WASHC2A: variants seen among roughly 807,000 people sequenced by gnomAD.
The protein encoded by WASHC2A is WASH complex subunit 2A.
Under a neutral mutation model 140.3 loss-of-function variants are expected in WASHC2A, and 82 were observed. The observed-to-expected ratio is 0.58, with a 90% CI of 0.49 to 0.70. The LOEUF is 0.70. Among genes scored for constraint, WASHC2A ranks in the 30% least tolerant of loss-of-function variants. The probability of loss-of-function intolerance (pLI) is 0.00; values close to 1 mark genes in which losing one functional copy is unlikely to be tolerated. For missense variants in WASHC2A, 985 were observed against 1,521.8 expected (o/e 0.65, Z 5.87); for synonymous variants, 340 against 560.8 (o/e 0.61, Z 5.56).
chr10:50,106,335 A>T lies in WASHC2A; in HGVS notation c.1739A>T (p.Asp580Val), dbSNP rs544996523. The T allele has an allele frequency of 6.8e-6, 11 of 1,611,610 alleles. No homozygotes were observed. Among genetic ancestry groups the T allele is most frequent in the African/African-American group, 1.3e-5 (1 of 74,750 alleles). ...VSLFDDEDEE[D>V]NLFGGTAAKK... ...CCTTTCTGCCATTTGCTTTTCTAGG[A>T]TAATCTTTTTGGGGGTACAGCTGCT... Residue 580 changes from aspartate to valine, a missense_variant and splice_region_variant, in exon 19 of 31, where the codon GAT becomes GTT. Coordinates refer to ENST00000282633, the MANE Select transcript of WASHC2A (RefSeq NM_001005751.3).
chr10:50,081,657 G>A (rs1838890779), intron 5 of WASHC2A, among the ~76,000 whole-genome samples: 1 of 148,954 alleles, frequency 6.7e-6, no homozygotes, highest in Non-Finnish European at 1.5e-5. Flanking sequence ...TTTTTGAGAC[G>A]GAGTTTCACT....
Position 50,092,612 on chromosome 10 carries a change from G to A in WASHC2A, c.1003+379G>A, listed in dbSNP as rs1242731894. Among the ~76,000 whole-genome samples, 22 of 152,106 alleles carry A rather than the reference G, an allele frequency of 1.4e-4. No homozygotes were observed. The East Asian group carries it at 1.6e-3, about 11-fold the overall frequency. On this transcript the variant is annotated intron_variant, in intron 11 of 30. Transcript: ENST00000282633. ...GCAGAGATTGCAGTGAGCCTTGATC[G>A]CGCCACTGCATTCCAGCCCAGGTGA...
chr10:50,094,820 T>A (rs1233422740), intron 13 of WASHC2A, among the ~76,000 whole-genome samples: 15 of 151,220 alleles, frequency 9.9e-5, no homozygotes, highest in African/African-American at 2.9e-4. Context: ...GTGGAACTGT[T>A]TGGGGGAGCC....
intron 28 of WASHC2A, among the ~76,000 whole-genome samples, 172 bp downstream of exon 28, chr10:50,127,967 G>A (rs1002733233): frequency 1.6e-4 from 25 of 151,696 alleles, no homozygotes; most frequent in African/African-American, 5.3e-4. Context: ...CCCTCATCCT[G>A]CACCTGCTTT....
chr10:50,092,314 T>G (rs1423022146), intron 11 of WASHC2A, 81 bp downstream of exon 11: 2 of 957,500 alleles, frequency 2.1e-6, no homozygotes, highest in Non-Finnish European at 1.6e-6. Flanking sequence ...GAAGTACTGC[T>G]TTACATGCTG....
intron 20 of WASHC2A, among the ~76,000 whole-genome samples, chr10:50,110,738 T>C (rs1404477907): frequency 1.3e-5 from 2 of 151,046 alleles, no homozygotes; most frequent in African/African-American, 4.9e-5. Context: ...TAAAAAAATA[T>C]AAAAATTAGC....
chr10:50,094,914 G>T (rs1840318683), intron 13 of WASHC2A, among the ~76,000 whole-genome samples: 1 of 151,370 alleles, frequency 6.6e-6, no homozygotes. Flanking sequence ...CTTGATGACG[G>T]TCAGCATGCT....
intron 11 of WASHC2A, 37 bp downstream of exon 11, chr10:50,092,270 C>T: frequency 1.6e-6 from 2 of 1,270,194 alleles, no homozygotes; most frequent in Non-Finnish European, 2.2e-6. Context: ...TTTTAGGAGC[C>T]TGTTGACTAA....
At chr10:50,068,326 C>G (rs1468440190) in intron 2 of WASHC2A, 99 bp downstream of exon 2, 4 of 1,261,776 alleles carry the variant, frequency 3.2e-6, no homozygotes, top group Admixed American at 2.8e-5. Context: ...TGGCCCGTCC[C>G]GTTGCCTGCC....
chr10:50,125,147 G>T lies in WASHC2A; in HGVS notation c.2513G>T (p.Gly838Val). Residue 838 changes from glycine (G) to valine (V), a missense_variant, in exon 24 of 31, where the codon GGT becomes GTT. Gly to Val is a moderately radical substitution (Grantham distance 109, BLOSUM62 -3). Transcript: ENST00000282633. The part of the protein sequence containing the change: ...RDPDAHPKST[G>V]VFQDEELLFS... Reference sequence around the variant, plus strand: ...CCTGATGCCCACCCCAAGAGCACAGGTGTCTTCCAGGATGAAGAGCTGCTT... The same window carrying T: ...CCTGATGCCCACCCCAAGAGCACAGTTGTCTTCCAGGATGAAGAGCTGCTT... 1 of 1,611,600 alleles carries T rather than the reference G, an allele frequency of 6.2e-7. No homozygotes were observed.
chr10:50,084,189 T>G (rs1301576948), intron 6 of WASHC2A, 24 bp downstream of exon 6: 22 of 1,610,716 alleles, frequency 1.4e-5, no homozygotes, highest in Non-Finnish European at 1.8e-5. Flanking sequence ...CCAAATAATT[T>G]TGTTCCTTAA....
intron 30 of WASHC2A, among the ~76,000 whole-genome samples, chr10:50,132,346 C>T (rs1042429841): frequency 3.9e-5 from 6 of 152,330 alleles, no homozygotes; most frequent in East Asian, 3.9e-4. Flanking sequence ...AATGCAGTGA[C>T]GGAGGCTTAC....
chr10:50,072,782 C>T (rs533247377), intron 3 of WASHC2A, among the ~76,000 whole-genome samples: 7 of 152,238 alleles, frequency 4.6e-5, no homozygotes, highest in Admixed American at 1.3e-4. Context: ...CCACCATACC[C>T]GGCAATCTGG....
At chr10:50,099,954 C>CA in intron 16 of WASHC2A, 24 bp from the exon 17 acceptor site, 1 of 859,250 alleles carries the variant, frequency 1.2e-6, no homozygotes, top group Non-Finnish European at 1.6e-6. Context: ...TTCTTCCCCA[C>CA]CCCCCCCCCC....
chr10:50,113,016 A>C (rs1300966499), intron 20 of WASHC2A, among the ~76,000 whole-genome samples: 11 of 152,110 alleles, frequency 7.2e-5, no homozygotes, highest in African/African-American at 2.2e-4. Flanking sequence ...AAAACATTGA[A>C]GTATGCACTT....
intron 25 of WASHC2A, 124 bp downstream of exon 25, chr10:50,125,573 G>T (rs1843354766): frequency 1.3e-6 from 2 of 1,599,598 alleles, no homozygotes; most frequent in African/African-American, 1.3e-5. Context: ...TAAATGAATG[G>T]CAAATAACAT....
intron 11 of WASHC2A, 151 bp downstream of exon 11, chr10:50,092,384 G>A (rs1225965138): frequency 2.6e-6 from 4 of 1,532,600 alleles, no homozygotes; most frequent in South Asian, 2.5e-5. Context: ...TGGGCTGGGC[G>A]CGGTGGCTCA....
chr10:50,087,011 A>T (rs1343353692), intron 7 of WASHC2A, among the ~76,000 whole-genome samples: 9 of 143,620 alleles, frequency 6.3e-5, no homozygotes, highest in African/African-American at 2.3e-4. Context: ...AGTGCAGGTG[A>T]TGTGAACAAA....
chr10:50,090,311 A>G (rs1205163853), intron 8 of WASHC2A, among the ~76,000 whole-genome samples: 7 of 148,956 alleles, frequency 4.7e-5, no homozygotes, highest in Non-Finnish European at 7.4e-5. Flanking sequence ...AGACCAGCCT[A>G]GACAATATGG....
Sources: gnomAD v4.1 joint callset for allele counts (sites outside exome capture counted in the v4.1 genomes callset) on GRCh38, gnomAD v4.1.1 for gene constraint, MANE v1.5 for transcripts, NCBI Gene and HGNC (gene_info 2026-07-23, HGNC 2026-07-21) for gene names.